Variants in MGA observed in about 807,000 individuals in gnomAD.
MGA encodes the protein MAX dimerization protein MGA.
Under a neutral mutation model 261.1 loss-of-function variants are expected in MGA, and 40 were observed. The observed-to-expected ratio is 0.15, with a 90% confidence interval of 0.12 to 0.20. The LOEUF (loss-of-function observed/expected upper bound fraction) is 0.20. MGA is among the 10% of genes least tolerant of loss of function. The pLI, the probability that MGA is intolerant of heterozygous loss-of-function variation, is 1.00. For missense variants in MGA, 3,397 were observed against 3,630.5 expected (o/e 0.94, Z 1.65); for synonymous variants, 1,302 against 1,290.6 (o/e 1.01, Z -0.19).
chr15:41,750,849 T>A, intron 17 of MGA: 1 of 415,866 alleles, frequency 2.4e-6, no homozygotes, highest in Admixed American at 4.0e-5. Context: ...CTTAAATATT[T>A]GGGGGATAGG....
At chr15:41,670,831 A>G (rs1007745673) in intron 2 of MGA, among the ~76,000 whole-genome samples, 3 of 152,130 alleles carry the variant, frequency 2.0e-5, no homozygotes, top group Non-Finnish European at 4.4e-5. Flanking sequence ...TTAACAAGTA[A>G]TAATTTTAAG....
At position 41,750,068 on chromosome 15, in the gene MGA, T is replaced by C. The variant is rs1249738900; in HGVS notation, c.6461T>C (p.Leu2154Pro). The C allele has an allele frequency of 1.9e-6, 3 of 1,613,362 alleles. No individual in the cohort carries two copies. The highest frequency in any genetic ancestry group is 2.5e-6 in the Non-Finnish European group (3 of 1,179,706). The stretch of plus-strand genomic sequence containing the variant: ...AAAGTTATGGAGCAGCAATCTAATC[T>C]ACAGCCAGAGGCCAAAGAGAAGGAA... Residue 2154 changes from leucine to proline, a missense_variant, in exon 17 of 24, where the codon CTA becomes CCA. Coordinates refer to ENST00000219905, the MANE Select transcript of MGA (RefSeq NM_001164273.2).
At chr15:41,711,377 T>C in intron 8 of MGA, 28 bp downstream of exon 8, 1 of 1,548,444 alleles carries the variant, frequency 6.5e-7, no homozygotes, top group East Asian at 2.3e-5. Context: ...TCTGGAGGTA[T>C]ATTAGTGCTT....
In MGA at chr15:41,726,728, C is replaced by CA. The variant is rs71108124; in HGVS notation, c.3431-435dup. The stretch of plus-strand genomic sequence containing the variant: ...TAGGTGACAGAACAAGACTCTGTCT[C>CA]AAAAAAAAAAAAAAAAATTTTTTTT... On this transcript the variant is annotated intron_variant, in intron 9 of 23. Transcript: ENST00000219905. Among the ~76,000 whole-genome samples the CA allele has an allele frequency of 2.7e-3, 347 of 129,860 alleles. 1 individual carries two copies. Among genetic ancestry groups the CA allele is most frequent in the East Asian group, 9.4e-3 (38 of 4,038 alleles). 85.2% of individuals were successfully genotyped at this position (129,860 alleles called of 152,430 possible).
chr15:41,664,608 C>T (rs1006639298), intron 1 of MGA, among the ~76,000 whole-genome samples: 2 of 152,066 alleles, frequency 1.3e-5, no homozygotes, highest in African/African-American at 4.8e-5. Flanking sequence ...GTTGTGCTCA[C>T]GTGGAACACA....
chr15:41,655,058 A>G (rs35665813), intron 1 of MGA, among the ~76,000 whole-genome samples: 39,478 of 151,982 alleles, frequency 0.26, 5,534 homozygotes, highest in Middle Eastern at 0.43. Flanking sequence ...GATTGGTTCC[A>G]AGATACTGTC....
chr15:41,696,352 A>G lies in MGA; in HGVS notation c.1342A>G (p.Ser448Gly), dbSNP rs559180151. The change falls in exon 3 of 24, where the codon AGC becomes GGC. Residue 448 changes from serine (S) to glycine (G), a missense_variant. Physicochemically the swap from Ser to Gly is moderately conservative, Grantham distance 56. Transcript: ENST00000219905. ...CCATCTATCTTCTAAATGGCTTCCA[A>G]GCAGCCCATCAGGTGTTGCTAAAGC... 18 of 1,613,982 alleles carry G rather than the reference A, an allele frequency of 1.1e-5. No individual in the cohort carries two copies. The highest frequency in any genetic ancestry group is 1.6e-4 in the Middle Eastern group (1 of 6,062).
In MGA at chr15:41,767,514, C is replaced by T. The variant is rs1374572252; in HGVS notation, c.*234C>T. ...TTGTGGTGCTGGGTCCCCTCATCCT[C>T]TCTAAGAAGATGTGATCCATTACTG... is the stretch of plus-strand genomic sequence containing the variant. On this transcript the variant is annotated 3_prime_UTR_variant, in exon 24 of 24. Transcript: ENST00000219905. The T allele has an allele frequency of 2.6e-5, 14 of 547,530 alleles. No homozygotes were observed. The highest frequency in any genetic ancestry group is 3.6e-5 in the Non-Finnish European group (11 of 308,730). The allele number at this position is 547,530 out of a possible 1,614,324, so 33.9% of individuals were successfully genotyped here.
In MGA at chr15:41,696,890, G is replaced by A. The variant is rs938158021; in HGVS notation, c.1880G>A (p.Arg627Gln). The change falls in exon 3 of 24, where the codon CGA (arginine) becomes CAA (glutamine). Residue 627 changes from arginine to glutamine, a missense_variant. This residue lies in a region of MGA where 563 missense variants were observed against 563.6 expected (regional missense o/e 1.00). Transcript: ENST00000219905. Reference sequence around the variant, plus strand: ...AAATTGAAACTCTGTAAGGCAGGACGACCACCTAAGAACACAGGAAAGTCT... The same window carrying A: ...AAATTGAAACTCTGTAAGGCAGGACAACCACCTAAGAACACAGGAAAGTCT... 17 of 1,597,508 alleles carry A rather than the reference G, an allele frequency of 1.1e-5. No individual in the cohort carries two copies. The highest frequency in any genetic ancestry group is 8.0e-5 in the African/African-American group (6 of 74,614).
chr15:41,739,466 T>C (rs2061973113), intron 13 of MGA, among the ~76,000 whole-genome samples: 1 of 152,248 alleles, frequency 6.6e-6, no homozygotes, highest in Non-Finnish European at 1.5e-5. Flanking sequence ...TGAAGGATGC[T>C]TGAAAGGACC....
intron 2 of MGA, among the ~76,000 whole-genome samples, chr15:41,681,867 T>A (rs899019696): frequency 3.9e-5 from 6 of 152,188 alleles, no homozygotes; most frequent in Non-Finnish European, 5.9e-5. Flanking sequence ...ATTGCTTTTT[T>A]AAAAAATATA....
intron 1 of MGA, among the ~76,000 whole-genome samples, chr15:41,665,500 CCT>C (rs1273075090): frequency 6.6e-6 from 1 of 151,694 alleles, no homozygotes; most frequent in East Asian, 1.9e-4. Context: ...CTCGAGGGAT[CCT>C]CTCACCTCAG....
At position 41,749,315 on chromosome 15, in the gene MGA, G is replaced by C. The variant is rs760761144; in HGVS notation, c.5708G>C (p.Arg1903Thr). Residue 1903 changes from arginine to threonine, a missense_variant, in exon 17 of 24, where the codon AGG (arginine) becomes ACG (threonine). Around this residue, in one of 9 missense-constraint regions of MGA, gnomAD observed 1,410 missense variants for 1,386.4 expected, o/e 1.02. Coordinates refer to ENST00000219905, the MANE Select transcript of MGA (RefSeq NM_001164273.2). ...TCTCAGGCTGGTACATTGACCCTGA[G>C]GATTTCTCCTCCTGAACCACAAAGC... The C allele has an allele frequency of 1.2e-6, 2 of 1,613,984 alleles. No individual in the cohort carries two copies. Among genetic ancestry groups the C allele is most frequent in the Non-Finnish European group, 8.5e-7 (1 of 1,179,894 alleles).
chr15:41,660,743 C>T (rs2057340843), intron 1 of MGA, among the ~76,000 whole-genome samples: 1 of 152,200 alleles, frequency 6.6e-6, no homozygotes, highest in Non-Finnish European at 1.5e-5. Context: ...GCGTCCCCGG[C>T]CTCACTTCCG....
chr15:41,629,105 CAAA>C (rs71108108), intron 1 of MGA, among the ~76,000 whole-genome samples: 6 of 78,082 alleles, frequency 7.7e-5, no homozygotes, highest in Admixed American at 1.6e-4. Context: ...GACTTCGTCT[CAAA>C]AAAAAAAAAA....
chr15:41,716,017 G>A (rs1217613064), intron 9 of MGA, among the ~76,000 whole-genome samples: 2 of 151,962 alleles, frequency 1.3e-5, no homozygotes, highest in Non-Finnish European at 2.9e-5. Flanking sequence ...CCCTATCCTT[G>A]ACTATAATTA....
intron 2 of MGA, among the ~76,000 whole-genome samples, chr15:41,680,427 T>C (rs1269005031): frequency 2.6e-5 from 4 of 152,134 alleles, no homozygotes; most frequent in Non-Finnish European, 2.9e-5. Flanking sequence ...TAAGAACCCA[T>C]AGTTGGTCTC....
chr15:41,680,392 T>G (rs2058604338), intron 2 of MGA, among the ~76,000 whole-genome samples: 1 of 151,344 alleles, frequency 6.6e-6, no homozygotes, highest in African/African-American at 2.5e-5. Flanking sequence ...TACTATTCTG[T>G]TTTAACCCCC....
intron 22 of MGA, among the ~76,000 whole-genome samples, chr15:41,762,997 A>G (rs1364276485): frequency 1.3e-5 from 2 of 148,372 alleles, no homozygotes; most frequent in Admixed American, 1.3e-4. Flanking sequence ...AGTTCTACTG[A>G]TGGGTTTAAG....
Sources: gnomAD v4.1 joint callset for allele counts (sites outside exome capture counted in the v4.1 genomes callset) on GRCh38, gnomAD v4.1.1 for gene constraint, gnomAD v4.1.1 regional missense constraint, MANE v1.5 for transcripts, NCBI Gene and HGNC (gene_info 2026-07-23, HGNC 2026-07-21) for gene names.